The following NCL variants were observed in gnomAD, a reference collection of about 807,000 sequenced individuals.
NCL encodes the protein nucleolin multifunctional protein.
NCL carries 4 observed loss-of-function variants against 77.7 expected under a neutral mutation model. The ratio of observed to expected loss-of-function variants is 0.05; its 90% CI spans 0.03 to 0.12. The LOEUF is 0.12. NCL is among the 10% of genes least tolerant of loss of function. The probability of loss-of-function intolerance (pLI) is 1.00; values close to 1 mark genes in which losing one functional copy is unlikely to be tolerated. For synonymous variants in NCL, 344 were observed against 297.8 expected, an observed-to-expected ratio of 1.16 and a Z score of -1.60; for missense variants, 763 against 860.9, an observed-to-expected ratio of 0.89 and a Z score of 1.42.
chr2:231,457,566 T>C (rs1179629757), intron 9 of NCL, 77 bp downstream of exon 9: 2 of 1,363,872 alleles, frequency 1.5e-6, no homozygotes, highest in Non-Finnish European at 2.0e-6. Context: ...AAAGTATTTA[T>C]AAACTTATGA....
chr2:231,454,973 A>C lies in NCL; in HGVS notation c.*218T>G. ...AATTCAAAACTTACAGATAAGGGTT[A>C]GCTCTATCACTCAACTCTTTAAAAA... is the stretch of plus-strand genomic sequence containing the variant. On this transcript the variant is annotated 3_prime_UTR_variant, in exon 14 of 14. Transcript: ENST00000322723. 3.9e-6 allele frequency: 2 copies of C among 513,908 alleles called. No individual in the cohort carries two copies. The highest frequency in any genetic ancestry group is 3.5e-6 in the Non-Finnish European group (1 of 289,220). 31.8% of individuals were successfully genotyped at this position (513,908 alleles called of 1,614,324 possible).
In NCL at chr2:231,464,347, T is replaced by A; in HGVS notation, c.7A>T (p.Lys3Ter). The stretch of plus-strand genomic sequence containing the variant: ...TCAAGGCCGTTTACCTTCGCGAGCT[T>A]CACCATGATGGCGGCGGAGTGTGAA... MV[K>*]LAKAGKNQGD... Residue 3 changes from lysine (K) to a stop codon, truncating the protein, a stop_gained, in exon 1 of 14, where the codon AAG (lysine) becomes TAG (stop). Transcript: ENST00000322723. LOFTEE classifies it high-confidence loss of function. The A allele has an allele frequency of 6.2e-7, 1 of 1,601,652 alleles. No individual in the cohort carries two copies. The highest frequency in any genetic ancestry group is 8.5e-7 in the Non-Finnish European group (1 of 1,173,924).
Position 231,460,522 on chromosome 2 carries a change from G to C in NCL, c.854C>G (p.Ala285Gly). ...GGCTTCAGGAGCTGCTTTCTGTTTG[G>C]CCATTTCCTTCTTTCGTTTTCCAGG... ...EAPGKRKKEM[A>G]KQKAAPEAKK... The change falls in exon 5 of 14, where the codon GCC becomes GGC. Residue 285 changes from alanine (A) to glycine (G), a missense_variant. Ala to Gly is a moderately conservative substitution (Grantham distance 60, BLOSUM62 0). Transcript: ENST00000322723. 3 of 1,614,098 alleles carry C rather than the reference G, an allele frequency of 1.9e-6. No individual in the cohort carries two copies. Among genetic ancestry groups the C allele is most frequent in the Non-Finnish European group, 1.7e-6 (2 of 1,180,014 alleles).
In NCL at chr2:231,462,675, CTT is replaced by C. The variant is rs1232237775; in HGVS notation, c.135+523_135+524del. On this transcript the variant is annotated intron_variant, in intron 2 of 13. Transcript: ENST00000322723. Reference sequence around the variant, plus strand: ...TGAGCACAATTCAGTGCTCAGCTGTCTTTATAGTGAGCAAATAAAAGGCCAGG... The same window carrying C: ...TGAGCACAATTCAGTGCTCAGCTGTCTATAGTGAGCAAATAAAAGGCCAGG... The C allele has an allele frequency of 1.4e-5, 6 of 427,006 alleles. No homozygotes were observed. The East Asian group carries it at 4.0e-4, about 29-fold the overall frequency. The allele number at this position is 427,006 out of a possible 1,614,324, so 26.5% of individuals were successfully genotyped here. A position where few individuals can be genotyped will look rare whatever the true frequency, so the allele number is the denominator to read the frequency against.
intron 1 of NCL, chr2:231,464,102 A>AGTGCCTCT: frequency 7.4e-7 from 1 of 1,358,444 alleles, no homozygotes; most frequent in Non-Finnish European, 9.6e-7. Flanking sequence ...CCCCGCGCTC[A>AGTGCCTCT]GTGACTCTGT....
At chr2:231,455,305 TAC>T in intron 13 of NCL, 38 bp from the exon 14 acceptor site, 1 of 1,613,810 alleles carries the variant, frequency 6.2e-7, no homozygotes, top group Non-Finnish European at 8.5e-7. Flanking sequence ...AAAGAATGGG[TAC>T]AAAGCTCCTC....
intron 2 of NCL, chr2:231,462,883 AATGCCCAGCTC>A: frequency 1.2e-5 from 1 of 81,598 alleles, no homozygotes; most frequent in Non-Finnish European, 1.9e-5. Flanking sequence ...CTCTGAATAC[AATGCCCAGCTC>A]TACATGTGGG....
At chr2:231,459,593 G>A (rs188589426) in intron 6 of NCL, among the ~76,000 whole-genome samples, 119 of 151,868 alleles carry the variant, frequency 7.8e-4, no homozygotes, top group East Asian at 4.3e-3. Flanking sequence ...AGGTTCAAGC[G>A]ATTCTCCCAC....
intron 5 of NCL, 87 bp from the exon 6 acceptor site, chr2:231,460,380 C>T: frequency 1.3e-6 from 2 of 1,593,416 alleles, no homozygotes; most frequent in Non-Finnish European, 1.7e-6. Flanking sequence ...AGCACATCAG[C>T]ACACTACAAT....
Position 231,463,366 on chromosome 2 carries a change from C to T in NCL, c.19-50G>A, listed in dbSNP as rs150242880. 176 of 1,253,050 alleles carry T rather than the reference C, an allele frequency of 1.4e-4. No individual in the cohort carries two copies. The African/African-American group carries it at 2.5e-3, about 18-fold the overall frequency. The allele number at this position is 1,253,050 out of a possible 1,614,324, so 77.6% of individuals were successfully genotyped here. ...TACACCTCCACCTCGACATTTCAGGCCATTCATATTTTGCCATTAGTGTTC... is the reference window on the plus strand; with the variant it reads ...TACACCTCCACCTCGACATTTCAGGTCATTCATATTTTGCCATTAGTGTTC... On this transcript the variant is annotated intron_variant, in intron 1 of 13. Transcript: ENST00000322723.
At position 231,458,362 on chromosome 2, in the gene NCL, T is replaced by C. The variant is rs2046911819; in HGVS notation, c.1193A>G (p.Lys398Arg). Reference protein sequence around the residue: ...KERDARTLLAKNLPYKVTQDE... With the variant: ...KERDARTLLARNLPYKVTQDE... ...CTGAGTGACTTTGTAAGGGAGATTT[T>C]TAGCCAAAAGTGTTCTCGCATCTCG... The change falls in exon 8 of 14, where the codon AAA becomes AGA. Residue 398 changes from lysine to arginine, a missense_variant. Around this residue, in one of 2 missense-constraint regions of NCL, gnomAD observed 590 missense variants for 570.5 expected, o/e 1.03. Coordinates refer to ENST00000322723, the MANE Select transcript of NCL (RefSeq NM_005381.3). 1 of 1,614,100 alleles carries C rather than the reference T, an allele frequency of 6.2e-7. No individual in the cohort carries two copies. The highest frequency in any genetic ancestry group is 1.7e-4 in the Middle Eastern group (1 of 6,060).
intron 1 of NCL, 196 bp from the exon 2 acceptor site, chr2:231,463,512 C>T (rs1330846714): frequency 1.9e-5 from 11 of 571,674 alleles, no homozygotes; most frequent in Admixed American, 3.5e-5. Flanking sequence ...CATTTTTCCT[C>T]CCAGGCTTTA....
At position 231,464,470 on chromosome 2, in the gene NCL, C is replaced by G; in HGVS notation, c.-117G>C. On this transcript the variant is annotated 5_prime_UTR_variant, in exon 1 of 14. Transcript: ENST00000322723. ...CGGAGCACGTACACCCGAAGGCCAG[C>G]GAGAGCTCGAGACTGAGGCGAAAGA... is the stretch of plus-strand genomic sequence containing the variant. 13 of 1,385,240 alleles carry G rather than the reference C, an allele frequency of 9.4e-6. No individual in the cohort carries two copies. Among genetic ancestry groups the G allele is most frequent in the South Asian group, 1.2e-5 (1 of 80,546 alleles). The allele number at this position is 1,385,240 out of a possible 1,614,324, so 85.8% of individuals were successfully genotyped here.
rs2046870646 is a variant in NCL at position 231,455,036 on chromosome 2, G to A, written c.*155C>T. ...ATCCAGTCAAAACCAACACGGTATTGCCCTTGAAATGTTAACTAGACGGAT... is the reference window on the plus strand; with the variant it reads ...ATCCAGTCAAAACCAACACGGTATTACCCTTGAAATGTTAACTAGACGGAT... On this transcript the variant is annotated 3_prime_UTR_variant, in exon 14 of 14. Transcript: ENST00000322723. 2 of 759,068 alleles carry A rather than the reference G, an allele frequency of 2.6e-6. No individual in the cohort carries two copies. The highest frequency in any genetic ancestry group is 2.5e-5 in the East Asian group (1 of 40,162). 47.0% of individuals were successfully genotyped at this position (759,068 alleles called of 1,614,324 possible). A position where few individuals can be genotyped will look rare whatever the true frequency, so the allele number is the denominator to read the frequency against.
intron 6 of NCL, among the ~76,000 whole-genome samples, chr2:231,459,747 A>C (rs183700632): frequency 1.3e-5 from 2 of 152,066 alleles, no homozygotes; most frequent in African/African-American, 4.8e-5. Flanking sequence ...TCTCAACTAA[A>C]AATACAAAAA....
In NCL at chr2:231,454,952, C is replaced by A; in HGVS notation, c.*239G>T. 1 of 392,476 alleles carries A rather than the reference C, an allele frequency of 2.5e-6. No individual in the cohort carries two copies. Among genetic ancestry groups the A allele is most frequent in the Non-Finnish European group, 4.6e-6 (1 of 217,966 alleles). 24.3% of individuals were successfully genotyped at this position (392,476 alleles called of 1,614,324 possible). Reference sequence around the variant, plus strand: ...TACATGGGATGAAACAATATAAATTCAAAACTTACAGATAAGGGTTAGCTC... The same window carrying A: ...TACATGGGATGAAACAATATAAATTAAAAACTTACAGATAAGGGTTAGCTC... On this transcript the variant is annotated 3_prime_UTR_variant, in exon 14 of 14. Transcript: ENST00000322723.
At position 231,462,023 on chromosome 2, in the gene NCL, G is replaced by C. The variant is rs757111064; in HGVS notation, c.136-6C>G. Reference sequence around the variant, plus strand: ...TTCTTCTGAGGTATGACGACCTTGAGAATAAATGAAAACCAAACCAGTAAG... The same window carrying C: ...TTCTTCTGAGGTATGACGACCTTGACAATAAATGAAAACCAAACCAGTAAG... On this transcript the variant is annotated splice_polypyrimidine_tract_variant and splice_region_variant and intron_variant, in intron 2 of 13. Transcript: ENST00000322723. The C allele has an allele frequency of 7.4e-6, 12 of 1,613,318 alleles. No homozygotes were observed. The highest frequency in any genetic ancestry group is 1.0e-5 in the Non-Finnish European group (12 of 1,179,992).
rs534203265 is a variant in NCL at position 231,456,674 on chromosome 2, C to T, written c.1662G>A (p.Arg554=). 40 of 1,614,026 alleles carry T rather than the reference C, an allele frequency of 2.5e-5. No homozygotes were observed. The South Asian group carries it at 4.2e-4, about 17-fold the overall frequency. The change falls in exon 11 of 14, where the codon AGG becomes AGA. Residue 554 remains arginine (R), a synonymous_variant. Transcript: ENST00000322723. ...NKREIEGRAI[R]LELQGPRGSP... ...ATCCCCTGGGTCCTTGCAACTCCAG[C>T]CTGATTGCTCTGCCCTCAATTTCCC...
At position 231,459,664 on chromosome 2, in the gene NCL, C is replaced by T. The variant is rs529755851; in HGVS notation, c.1040+488G>A. ...GCTCACGCCTGTAATCCCAGCACTT[C>T]GAGAGGCCGAGGTGGGTGGATCACT... is the stretch of plus-strand genomic sequence containing the variant. On this transcript the variant is annotated intron_variant, in intron 6 of 13. Coordinates refer to ENST00000322723, the MANE Select transcript of NCL (RefSeq NM_005381.3). Among the ~76,000 whole-genome samples the T allele has an allele frequency of 6.3e-4, 96 of 151,936 alleles. 1 individual carries two copies. Among genetic ancestry groups the T allele is most frequent in the Admixed American group, 5.9e-3 (90 of 15,264 alleles).
Sources: allele counts gnomAD v4.1 joint callset (sites outside exome capture counted in the v4.1 genomes callset), GRCh38; gene constraint gnomAD v4.1.1; regional missense constraint gnomAD v4.1.1; transcripts MANE v1.5; gene names NCBI Gene and HGNC (gene_info 2026-07-23, HGNC 2026-07-21).